SPON1: variants seen among roughly 807,000 people sequenced by gnomAD.
SPON1 encodes spondin-1.
SPON1 carries 52 observed loss-of-function variants against 111.7 expected under a neutral mutation model. That is an observed-to-expected ratio of 0.47 (90% CI 0.37 to 0.59). The LOEUF (loss-of-function observed/expected upper bound fraction) is 0.59, where lower values mean the gene tolerates loss of function less well. SPON1 is among the 20% of genes least tolerant of loss of function. The pLI, the probability that SPON1 is intolerant of heterozygous loss-of-function variation, is 0.00. For synonymous variants in SPON1, 410 were observed against 395.8 expected (o/e 1.04, Z -0.43); for missense variants, 957 against 1,068.5 (o/e 0.90, Z 1.46).
At chr11:14,170,377 A>C (rs1419059370) in intron 6 of SPON1, among the ~76,000 whole-genome samples, 2 of 152,226 alleles carry the variant, frequency 1.3e-5, no homozygotes, top group African/African-American at 4.8e-5. Flanking sequence ...GTTGCTTATC[A>C]GCTTCAGGAG....
intron 6 of SPON1, among the ~76,000 whole-genome samples, chr11:14,144,968 T>C (rs1847701826): frequency 6.6e-6 from 1 of 152,128 alleles, no homozygotes; most frequent in Non-Finnish European, 1.5e-5. Context: ...CTCCCCTACC[T>C]CATTCAAGGC....
chr11:14,090,156 G>C (rs1440832489), intron 5 of SPON1, among the ~76,000 whole-genome samples: 2 of 139,928 alleles, frequency 1.4e-5, no homozygotes, highest in Non-Finnish European at 3.0e-5. Flanking sequence ...GGGAGTGAAT[G>C]AACAGTTCTG....
chr11:14,132,900 ATAATT>A (rs1186596279), intron 5 of SPON1, among the ~76,000 whole-genome samples: 1 of 152,200 alleles, frequency 6.6e-6, no homozygotes, highest in Non-Finnish European at 1.5e-5. Flanking sequence ...TCACTTTTAA[ATAATT>A]TAATTTAATT....
At chr11:14,098,693 T>G (rs1849121319) in intron 5 of SPON1, among the ~76,000 whole-genome samples, 5 of 148,876 alleles carry the variant, frequency 3.4e-5, no homozygotes, top group South Asian at 2.1e-4. Context: ...AGAGAGAGAA[T>G]AGGAGGGGAA....
Position 14,259,457 on chromosome 11 carries a change from G to A in SPON1, c.1663+7G>A, listed in dbSNP as rs782716760. 3.1e-6 allele frequency: 5 copies of A among 1,603,604 alleles called. No homozygotes were observed. The highest frequency in any genetic ancestry group is 2.7e-5 in the African/African-American group (2 of 74,772). ...ACGGTCAACGAGGAGTGCTGTGAGTGGGGGCCCCGGGCGGGCAGGCGGGCA... is the reference window on the plus strand; with the variant it reads ...ACGGTCAACGAGGAGTGCTGTGAGTAGGGGCCCCGGGCGGGCAGGCGGGCA... On this transcript the variant is annotated splice_region_variant and intron_variant, in intron 12 of 15. Transcript: ENST00000576479. This position sits in a 1 kb window ranked among gnomAD's most constrained non-coding sequence, Gnocchi z 5.0.
intron 5 of SPON1, among the ~76,000 whole-genome samples, chr11:14,128,287 A>T (rs1345964032): frequency 6.6e-6 from 1 of 152,250 alleles, no homozygotes; most frequent in Non-Finnish European, 1.5e-5. Context: ...GTTACTTCCA[A>T]GGTAAAATGA....
In SPON1 at chr11:14,262,868, G is replaced by A. The variant is rs782756338; in HGVS notation, c.2153G>A (p.Arg718Gln). The part of the protein sequence containing the change: ...ETVQRKKCRI[R>Q]KCLRNPSIQK... ...GTGCAGCGAAAAAAGTGCCGCATCC[G>A]AAAATGCCTTCGAAATCCATCCATC... Residue 718 changes from arginine (R) to glutamine (Q), a missense_variant, in exon 15 of 16, where the codon CGA becomes CAA. Coordinates refer to ENST00000576479, the MANE Select transcript of SPON1 (RefSeq NM_006108.4). The A allele has an allele frequency of 1.5e-5, 25 of 1,613,726 alleles. No individual in the cohort carries two copies. The Middle Eastern group carries it at 8.2e-4, about 53-fold the overall frequency.
At chr11:14,139,073 G>A (rs1400382987) in intron 6 of SPON1, among the ~76,000 whole-genome samples, 1 of 152,012 alleles carries the variant, frequency 6.6e-6, no homozygotes, top group Non-Finnish European at 1.5e-5. Context: ...GCTTCTCCTT[G>A]ACCCTAAGAT....
At chr11:14,010,577 G>T (rs782082709) in intron 2 of SPON1, among the ~76,000 whole-genome samples, 3 of 152,290 alleles carry the variant, frequency 2.0e-5, no homozygotes, top group East Asian at 1.9e-4. Flanking sequence ...AGGCCAAGCA[G>T]GTGACCTGCA....
At chr11:14,174,577 C>T (rs577734761) in intron 6 of SPON1, among the ~76,000 whole-genome samples, 13 of 151,488 alleles carry the variant, frequency 8.6e-5, no homozygotes, top group African/African-American at 2.2e-4. Flanking sequence ...GCCTGTGGCA[C>T]CTCCTCTGTT....
At chr11:14,141,929 G>A (rs1441263885) in intron 6 of SPON1, among the ~76,000 whole-genome samples, 1 of 152,000 alleles carries the variant, frequency 6.6e-6, no homozygotes, top group African/African-American at 2.4e-5. Context: ...TAATAATAAA[G>A]CTCCAGTGAT....
At chr11:14,120,972 G>A (rs114085638) in intron 5 of SPON1, among the ~76,000 whole-genome samples, 1,955 of 152,262 alleles carry the variant, frequency 0.013, 41 homozygotes, top group African/African-American at 0.044. Context: ...GCCAGTAGGA[G>A]GTCCTTTTCT....
chr11:14,030,434 G>C (rs1171073588), intron 2 of SPON1, among the ~76,000 whole-genome samples: 2 of 152,130 alleles, frequency 1.3e-5, no homozygotes, highest in Admixed American at 1.3e-4. Flanking sequence ...CACATGCCCG[G>C]TGCCAGAGGG....
At chr11:14,091,198 A>G (rs1849052719) in intron 5 of SPON1, among the ~76,000 whole-genome samples, 1 of 152,198 alleles carries the variant, frequency 6.6e-6, no homozygotes, top group Admixed American at 6.5e-5. Flanking sequence ...TGGTGTGTTT[A>G]CAATCCCTGA....
intron 5 of SPON1, among the ~76,000 whole-genome samples, chr11:14,124,192 ACACACACACACG>A (rs1847430355): frequency 6.6e-6 from 1 of 152,108 alleles, no homozygotes; most frequent in African/African-American, 2.4e-5. Context: ...ACACTCACAC[ACACACACACACG>A]CACACACTAC....
intron 5 of SPON1, among the ~76,000 whole-genome samples, chr11:14,113,527 C>A (rs1398148214): frequency 6.9e-6 from 1 of 145,764 alleles, no homozygotes; most frequent in Non-Finnish European, 1.5e-5. Context: ...CTACTATGTG[C>A]AGGTCTTTGG....
intron 2 of SPON1, among the ~76,000 whole-genome samples, chr11:14,015,037 G>T (rs1224133412): frequency 6.6e-6 from 1 of 152,090 alleles, no homozygotes; most frequent in African/African-American, 2.4e-5. Flanking sequence ...TTGTGGGCAG[G>T]CCTCATTTTT....
intron 3 of SPON1, among the ~76,000 whole-genome samples, chr11:14,056,820 A>G (rs1848747979): frequency 6.6e-6 from 1 of 152,130 alleles, no homozygotes; most frequent in Non-Finnish European, 1.5e-5. Context: ...GAACCTGGGA[A>G]GCGGAGCTTG....
intron 7 of SPON1, among the ~76,000 whole-genome samples, chr11:14,251,752 T>C (rs190535050): frequency 7.9e-5 from 12 of 152,304 alleles, no homozygotes; most frequent in African/African-American, 2.9e-4. Flanking sequence ...GCTCAGCAGT[T>C]ACTAGAAGGC....
Sources: gnomAD v4.1 joint callset for allele counts (sites outside exome capture counted in the v4.1 genomes callset) on GRCh38, gnomAD v4.1.1 for gene constraint, Gnocchi (gnomAD v3.1) non-coding constraint, MANE v1.5 for transcripts, NCBI Gene and HGNC (gene_info 2026-07-23, HGNC 2026-07-21) for gene names.